Variants in NIN observed in about 807,000 individuals in gnomAD.
NIN encodes ninein.
Under a neutral mutation model 257.6 loss-of-function variants are expected in NIN, and 137 were observed. The ratio of observed to expected loss-of-function variants is 0.53; its 90% CI spans 0.46 to 0.61. NIN has a LOEUF of 0.61. NIN is among the 20% of genes least tolerant of loss of function. NIN has a pLI of 0.00. For missense variants in NIN, 2,439 were observed against 2,501.2 expected (o/e 0.98, Z 0.53); for synonymous variants, 918 against 919.8 (o/e 1.00, Z 0.04).
chr14:50,733,333 C>T (rs1432918282), intron 28 of NIN, among the ~76,000 whole-genome samples: 1 of 152,126 alleles, frequency 6.6e-6, no homozygotes, highest in East Asian at 1.9e-4. Flanking sequence ...CCTTGTGAAC[C>T]ACCTGCCTCA....
At position 50,770,842 on chromosome 14, in the gene NIN, C is replaced by A; in HGVS notation, c.1259+10G>T. Reference sequence around the variant, plus strand: ...GTGGGTGAGGAGGAGCCTCACTCTGCTGGCCTCACCTGAGGTTGTACTCAT... The same window carrying A: ...GTGGGTGAGGAGGAGCCTCACTCTGATGGCCTCACCTGAGGTTGTACTCAT... On this transcript the variant is annotated intron_variant, in intron 11 of 30. Coordinates refer to ENST00000530997, the MANE Select transcript of NIN (RefSeq NM_020921.4). 6.2e-7 allele frequency: 1 copy of A among 1,610,242 alleles called. No homozygotes were observed. The highest frequency in any genetic ancestry group is 8.5e-7 in the Non-Finnish European group (1 of 1,178,342).
intron 2 of NIN, among the ~76,000 whole-genome samples, chr14:50,826,306 G>T (rs976042345): frequency 4.6e-5 from 7 of 152,170 alleles, no homozygotes; most frequent in African/African-American, 1.7e-4. Flanking sequence ...AAGGCTTTAT[G>T]ACTCTTTCGG....
intron 2 of NIN, among the ~76,000 whole-genome samples, chr14:50,825,934 T>C (rs2045437127): frequency 6.6e-6 from 1 of 152,136 alleles, no homozygotes; most frequent in South Asian, 2.1e-4. Flanking sequence ...GAATACACAT[T>C]CCCTTTTTTT....
At chr14:50,794,177 A>T (rs768180647) in intron 4 of NIN, among the ~76,000 whole-genome samples, 2 of 152,020 alleles carry the variant, frequency 1.3e-5, no homozygotes, top group African/African-American at 2.4e-5. Flanking sequence ...CTTTGACTAA[A>T]CACCTCCCCG....
At chr14:50,729,321 A>G (rs1266425800) in intron 29 of NIN, among the ~76,000 whole-genome samples, 12 of 151,164 alleles carry the variant, frequency 7.9e-5, no homozygotes, top group Non-Finnish European at 1.5e-4. Flanking sequence ...TACAGTGGCT[A>G]TTCACACACA....
At chr14:50,755,646 CTCTTT>C (rs1566808394) in intron 18 of NIN, among the ~76,000 whole-genome samples, 1 of 71,132 alleles carries the variant, frequency 1.4e-5, no homozygotes, top group East Asian at 5.0e-4. Flanking sequence ...TTTGTTTTGT[CTCTTT>C]TTTTTTTTTT....
chr14:50,740,906 T>C (rs746707972), intron 25 of NIN, among the ~76,000 whole-genome samples: 15 of 152,250 alleles, frequency 9.9e-5, no homozygotes, highest in Non-Finnish European at 1.6e-4. Flanking sequence ...CTTAATTTAT[T>C]TGCACACAGA....
intron 9 of NIN, 132 bp from the exon 10 acceptor site, chr14:50,771,600 G>T (rs2042735563): frequency 1.1e-6 from 1 of 941,082 alleles, no homozygotes; most frequent in African/African-American, 1.7e-5. Context: ...CATTGCTTTG[G>T]TGATTGCTTA....
rs748543267 is a variant in NIN, at chr14:50,743,569, G to A, written c.5188-40C>T. On this transcript the variant is annotated intron_variant, in intron 23 of 30. Transcript: ENST00000530997. ...GAAAAAGAGGTAAGAGGGCATTTTT[G>A]CAAACATAGCTAGCCTTAATTTATA... is the stretch of plus-strand genomic sequence containing the variant. 11 of 1,219,566 alleles carry A rather than the reference G, an allele frequency of 9.0e-6. No individual in the cohort carries two copies. The African/African-American group carries it at 1.5e-4, about 16-fold the overall frequency. 75.5% of individuals were successfully genotyped at this position (1,219,566 alleles called of 1,614,324 possible).
chr14:50,746,627 T>C (rs924747821), intron 22 of NIN, among the ~76,000 whole-genome samples: 5 of 152,210 alleles, frequency 3.3e-5, no homozygotes, highest in Admixed American at 2.0e-4. Flanking sequence ...ATGAAAATTT[T>C]ATATGAGTGC....
Position 50,748,581 on chromosome 14 carries a change from T to A in NIN, c.4951-476A>T, listed in dbSNP as rs560037796. On this transcript the variant is annotated intron_variant, in intron 21 of 30. Transcript: ENST00000530997. ...TGTGTATTTAGAAAACCCCATTGTCTCAGCCCCAAATCTCCTTAAGCTGAT... is the reference window on the plus strand; with the variant it reads ...TGTGTATTTAGAAAACCCCATTGTCACAGCCCCAAATCTCCTTAAGCTGAT... Among the ~76,000 whole-genome samples the A allele has an allele frequency of 3.3e-5, 5 of 152,280 alleles. No homozygotes were observed. In the South Asian group the frequency reaches 1.0e-3, roughly 32 times the overall value.
intron 27 of NIN, among the ~76,000 whole-genome samples, chr14:50,735,906 C>G (rs2040951494): frequency 6.6e-6 from 1 of 152,228 alleles, no homozygotes; most frequent in Admixed American, 6.5e-5. Flanking sequence ...GTACACACAC[C>G]CACACATATG....
chr14:50,722,000 A>G lies in NIN; in HGVS notation c.*1463T>C, dbSNP rs910652731. 2.6e-5 allele frequency: 6 copies of G among 228,158 alleles called. No individual in the cohort carries two copies. Among genetic ancestry groups the G allele is most frequent in the Admixed American group, 2.3e-4 (4 of 17,598 alleles). The allele number at this position is 228,158 out of a possible 1,614,324, so 14.1% of individuals were successfully genotyped here. A position where few individuals can be genotyped will look rare whatever the true frequency, so the allele number is the denominator to read the frequency against. On this transcript the variant is annotated 3_prime_UTR_variant, in exon 31 of 31. Coordinates refer to ENST00000530997, the MANE Select transcript of NIN (RefSeq NM_020921.4). ...TTGATTTTGCTGTTCACCTTTTGTA[A>G]ATAGATGGGCTTGGCCCTCCAGGAA...
intron 28 of NIN, among the ~76,000 whole-genome samples, chr14:50,730,650 G>A (rs1419797556): frequency 2.6e-5 from 4 of 152,138 alleles, no homozygotes; most frequent in Admixed American, 6.5e-5. Flanking sequence ...ACCTCTAGTT[G>A]TAGATTCAGA....
intron 29 of NIN, among the ~76,000 whole-genome samples, chr14:50,729,255 G>GT (rs541953635): frequency 0.026 from 3,416 of 133,536 alleles, 47 homozygotes; most frequent in Middle Eastern, 0.04. Context: ...TTGTGATTTT[G>GT]TTTTTTTTTT....
chr14:50,824,467 A>G (rs1169419709), intron 2 of NIN, among the ~76,000 whole-genome samples: 1 of 152,202 alleles, frequency 6.6e-6, no homozygotes, highest in Non-Finnish European at 1.5e-5. Flanking sequence ...TCACGCTGAA[A>G]CATCCAGGAG....
intron 29 of NIN, among the ~76,000 whole-genome samples, chr14:50,728,151 A>G (rs1420678976): frequency 6.6e-6 from 1 of 152,094 alleles, no homozygotes; most frequent in African/African-American, 2.4e-5. Context: ...GGTTGGAAAC[A>G]GCAGGCTTTG....
intron 4 of NIN, among the ~76,000 whole-genome samples, chr14:50,800,189 T>C (rs1205361494): frequency 2.0e-5 from 3 of 152,218 alleles, no homozygotes; most frequent in African/African-American, 7.2e-5. Context: ...AAGTATTCTT[T>C]CATAGCACAG....
intron 5 of NIN, among the ~76,000 whole-genome samples, chr14:50,785,337 C>T (rs193146867): frequency 2.4e-3 from 372 of 152,376 alleles, no homozygotes; most frequent in Non-Finnish European, 3.9e-3. Context: ...CAGCCATCTG[C>T]TCCAGCGCAG....
Sources: gnomAD v4.1 joint callset for allele counts (sites outside exome capture counted in the v4.1 genomes callset) on GRCh38, gnomAD v4.1.1 for gene constraint, MANE v1.5 for transcripts, NCBI Gene and HGNC (gene_info 2026-07-23, HGNC 2026-07-21) for gene names.